The following EPHA4 variants were observed in gnomAD, a reference collection of about 807,000 sequenced individuals.
EPHA4 encodes ephrin type-A receptor 4.
In EPHA4, 19 loss-of-function variants were observed where a neutral mutation model predicts 108.3. The ratio of observed to expected loss-of-function variants is 0.18; its 90% CI spans 0.12 to 0.26. The LOEUF (loss-of-function observed/expected upper bound fraction) is 0.26, where lower values mean the gene tolerates loss of function less well. Among genes scored for constraint, EPHA4 ranks in the 10% least tolerant of loss-of-function variants. The pLI, the probability that EPHA4 is intolerant of heterozygous loss-of-function variation, is 1.00. For synonymous variants in EPHA4, 449 were observed against 455.5 expected (o/e 0.99, Z 0.18); for missense variants, 917 against 1,254.0 (o/e 0.73, Z 4.06).
At chr2:221,506,028 C>T (rs557415600) in intron 3 of EPHA4, among the ~76,000 whole-genome samples, 1 of 152,086 alleles carries the variant, frequency 6.6e-6, no homozygotes, top group Non-Finnish European at 1.5e-5. Context: ...AATTCCAACA[C>T]TGATTCTAAG....
chr2:221,556,442 TCA>T (rs969105304), intron 3 of EPHA4, among the ~76,000 whole-genome samples: 1 of 151,128 alleles, frequency 6.6e-6, no homozygotes, highest in African/African-American at 2.4e-5. Flanking sequence ...GACTACAGGC[TCA>T]CACCACCATG....
intron 3 of EPHA4, among the ~76,000 whole-genome samples, chr2:221,561,815 C>T (rs1318109898): frequency 1.3e-5 from 2 of 152,084 alleles, no homozygotes; most frequent in South Asian, 2.1e-4. Context: ...ATTAGATACA[C>T]GAAGATGTGC....
intron 8 of EPHA4, among the ~76,000 whole-genome samples, chr2:221,452,434 T>C (rs1690815431): frequency 6.6e-6 from 1 of 152,234 alleles, no homozygotes; most frequent in African/African-American, 2.4e-5. Context: ...CCCCACTACC[T>C]GTCTCCTCTC....
chr2:221,449,332 G>T (rs1690698974), intron 8 of EPHA4, among the ~76,000 whole-genome samples: 1 of 152,224 alleles, frequency 6.6e-6, no homozygotes, highest in Non-Finnish European at 1.5e-5. Flanking sequence ...CAGCCAGCCT[G>T]CAGGAAGCCA....
chr2:221,483,092 A>T (rs906262379), intron 4 of EPHA4, among the ~76,000 whole-genome samples: 17 of 152,266 alleles, frequency 1.1e-4, no homozygotes, highest in African/African-American at 4.1e-4. Flanking sequence ...ATAGTTATAT[A>T]CCACTTCTGA....
chr2:221,448,367 G>A (rs548254849), intron 8 of EPHA4, among the ~76,000 whole-genome samples: 1 of 152,194 alleles, frequency 6.6e-6, no homozygotes, highest in African/African-American at 2.4e-5. Context: ...GTTACATAAG[G>A]ATACCTGGTG....
intron 4 of EPHA4, among the ~76,000 whole-genome samples, chr2:221,489,161 C>T (rs1452012141): frequency 1.3e-5 from 2 of 152,128 alleles, no homozygotes; most frequent in Non-Finnish European, 2.9e-5. Context: ...CTACCTCACA[C>T]CCAAAGTCAG....
At chr2:221,556,856 T>A (rs568020792) in intron 3 of EPHA4, among the ~76,000 whole-genome samples, 13 of 152,246 alleles carry the variant, frequency 8.5e-5, no homozygotes, top group Non-Finnish European at 1.8e-4. Flanking sequence ...CTGTGCTTAA[T>A]CTATAACTTA....
intron 3 of EPHA4, among the ~76,000 whole-genome samples, chr2:221,519,589 T>C (rs1693096729): frequency 6.6e-6 from 1 of 152,354 alleles, no homozygotes; most frequent in South Asian, 2.1e-4. Flanking sequence ...ACAAAAGTCA[T>C]TGCGATCTTT....
intron 11 of EPHA4, among the ~76,000 whole-genome samples, chr2:221,442,004 C>T (rs1435897691): frequency 2.0e-5 from 3 of 152,198 alleles, no homozygotes; most frequent in Admixed American, 6.5e-5. Flanking sequence ...ACTCTGCACA[C>T]GCTGACTGAA....
chr2:221,444,053 GAATTA>G, intron 9 of EPHA4, among the ~76,000 whole-genome samples: 1 of 152,304 alleles, frequency 6.6e-6, no homozygotes, highest in South Asian at 2.1e-4. Context: ...ATATCTGGAT[GAATTA>G]AATATGTGAC....
chr2:221,455,246 AAG>A (rs1264995805), intron 8 of EPHA4, among the ~76,000 whole-genome samples: 2 of 152,296 alleles, frequency 1.3e-5, no homozygotes, highest in East Asian at 3.9e-4. Flanking sequence ...GTCCAGGCTT[AAG>A]AGAGGGATAA....
chr2:221,549,215 C>G (rs1281009255), intron 3 of EPHA4, among the ~76,000 whole-genome samples: 1 of 152,200 alleles, frequency 6.6e-6, no homozygotes, highest in African/African-American at 2.4e-5. Flanking sequence ...AACAGTTCTT[C>G]TTTATACTGA....
rs143084548 is a variant in EPHA4, at chr2:221,539,185, G to A, written c.823+24546C>T. ...CTAATATTGATTGCAGGATTTCTGC[G>A]TCCCAGCCACGGTTCATGTGTGTTT... On this transcript the variant is annotated intron_variant, in intron 3 of 17. Transcript: ENST00000281821. Among the ~76,000 whole-genome samples the A allele has an allele frequency of 1.7e-3, 253 of 152,264 alleles. 2 individuals carry two copies. The highest frequency in any genetic ancestry group is 5.9e-3 in the African/African-American group (247 of 41,536).
intron 11 of EPHA4, among the ~76,000 whole-genome samples, chr2:221,440,056 T>A (rs1317503884): frequency 1.3e-5 from 2 of 152,068 alleles, no homozygotes; most frequent in Non-Finnish European, 2.9e-5. Context: ...GAAACAAAGA[T>A]GAATGTCTCC....
chr2:221,541,532 G>C (rs914546488), intron 3 of EPHA4, among the ~76,000 whole-genome samples: 6 of 152,186 alleles, frequency 3.9e-5, no homozygotes, highest in Non-Finnish European at 7.3e-5. Context: ...TTGAGCCGGG[G>C]AGGCGGACAG....
intron 3 of EPHA4, among the ~76,000 whole-genome samples, chr2:221,556,223 C>A (rs569413757): frequency 1.1e-3 from 173 of 152,232 alleles, no homozygotes; most frequent in African/African-American, 3.9e-3. Flanking sequence ...CATGTTAACA[C>A]AAATAGCATA....
At chr2:221,556,670 C>A (rs1035997677) in intron 3 of EPHA4, among the ~76,000 whole-genome samples, 1 of 151,846 alleles carries the variant, frequency 6.6e-6, no homozygotes, top group Non-Finnish European at 1.5e-5. Flanking sequence ...TTACAGTAGT[C>A]TCCTCATATC....
At chr2:221,438,501 A>C (rs181392920) in intron 11 of EPHA4, among the ~76,000 whole-genome samples, 1 of 152,206 alleles carries the variant, frequency 6.6e-6, no homozygotes, top group Non-Finnish European at 1.5e-5. Context: ...AAAAATATTC[A>C]CACTGGCAGG....
Sources: allele counts gnomAD v4.1 joint callset (sites outside exome capture counted in the v4.1 genomes callset), GRCh38; gene constraint gnomAD v4.1.1; transcripts MANE v1.5; gene names NCBI Gene and HGNC (gene_info 2026-07-23, HGNC 2026-07-21).